PHF21A: variants seen among roughly 807,000 people sequenced by gnomAD.
PHF21A encodes BHC80a.
Under a neutral mutation model 82.5 loss-of-function variants are expected in PHF21A, and 11 were observed. The observed-to-expected ratio is 0.13, with a 90% CI of 0.08 to 0.22. The LOEUF is 0.22. Ranked by LOEUF, PHF21A falls within the 10% of genes least tolerant of loss-of-function variation. The probability of loss-of-function intolerance (pLI) is 1.00; values close to 1 mark genes in which losing one functional copy is unlikely to be tolerated. For missense variants in PHF21A, 579 were observed against 837.8 expected, an observed-to-expected ratio of 0.69 and a Z score of 3.81; for synonymous variants, 297 against 302.8, an observed-to-expected ratio of 0.98 and a Z score of 0.20.
chr11:46,009,439 C>T (rs1028848409), intron 6 of PHF21A, among the ~76,000 whole-genome samples: 1 of 152,150 alleles, frequency 6.6e-6, no homozygotes, highest in Admixed American at 6.5e-5. Flanking sequence ...ATCTGTGAAA[C>T]CCTATTATAC....
At chr11:45,951,024 A>G (rs1024689366) in intron 11 of PHF21A, among the ~76,000 whole-genome samples, 2 of 152,234 alleles carry the variant, frequency 1.3e-5, no homozygotes, top group Non-Finnish European at 2.9e-5. Flanking sequence ...TCCATCAGAA[A>G]CTAAGCTGGT....
chr11:45,941,465 C>T (rs940894857), intron 15 of PHF21A, among the ~76,000 whole-genome samples: 1 of 152,160 alleles, frequency 6.6e-6, no homozygotes, highest in African/African-American at 2.4e-5. Flanking sequence ...GTAAACCCCA[C>T]TGTTCGGTCT....
intron 6 of PHF21A, among the ~76,000 whole-genome samples, chr11:46,012,140 C>A (rs2095426132): frequency 6.6e-6 from 1 of 152,212 alleles, no homozygotes; most frequent in Non-Finnish European, 1.5e-5. Flanking sequence ...AAAGGCTCTG[C>A]CTGAAGTTCA....
At chr11:45,989,346 A>G (rs540530960) in intron 6 of PHF21A, among the ~76,000 whole-genome samples, 7 of 152,108 alleles carry the variant, frequency 4.6e-5, no homozygotes, top group Non-Finnish European at 1.0e-4. Context: ...GAATAAAACA[A>G]ATTTGGTTAA....
chr11:46,099,127 G>A (rs1453102810), intron 1 of PHF21A, among the ~76,000 whole-genome samples: 1 of 152,108 alleles, frequency 6.6e-6, no homozygotes, highest in Non-Finnish European at 1.5e-5. Flanking sequence ...TGAATTGCTA[G>A]AGAAAAATAT....
chr11:45,949,419 C>T lies in PHF21A; in HGVS notation c.1210G>A (p.Ala404Thr). Residue 404 changes from alanine to threonine, a missense_variant, in exon 13 of 19, where the codon GCA becomes ACA. Transcript: ENST00000676320. ...RTTANPVYSG[A>T]VFEPERKKSA... ...AGTAATACCTCTGGCTCAAAGACTG[C>T]TCCACTGTAGACCGGATTTGCTGTT... The T allele has an allele frequency of 6.2e-7, 1 of 1,614,130 alleles. No individual in the cohort carries two copies. The highest frequency in any genetic ancestry group is 1.1e-5 in the South Asian group (1 of 91,088).
chr11:46,079,310 T>C, intron 4 of PHF21A, 144 bp from the exon 5 acceptor site: 1 of 536,456 alleles, frequency 1.9e-6, no homozygotes, highest in East Asian at 2.9e-5. Context: ...AAACCTTCTG[T>C]GATCCATGTA....
chr11:46,019,896 T>C (rs2095596690), intron 6 of PHF21A, among the ~76,000 whole-genome samples: 2 of 152,172 alleles, frequency 1.3e-5, no homozygotes, highest in South Asian at 4.1e-4. Context: ...GCCCATATGC[T>C]TAACTTTCAG....
intron 7 of PHF21A, among the ~76,000 whole-genome samples, chr11:45,978,845 G>C (rs1472012948): frequency 3.9e-5 from 6 of 151,918 alleles, no homozygotes; most frequent in Admixed American, 6.6e-5. Context: ...GCCCTTTTTG[G>C]TAAAAACATT....
chr11:45,973,972 T>A (rs1209517240), intron 7 of PHF21A, among the ~76,000 whole-genome samples: 1 of 152,252 alleles, frequency 6.6e-6, no homozygotes, highest in East Asian at 1.9e-4. Flanking sequence ...AAATACTGAC[T>A]AAAGCCTCAA....
At chr11:46,083,236 C>T (rs1277688234) in intron 4 of PHF21A, among the ~76,000 whole-genome samples, 4 of 151,958 alleles carry the variant, frequency 2.6e-5, no homozygotes, top group Non-Finnish European at 5.9e-5. Flanking sequence ...GCCAACTCTG[C>T]AGCGGAACAA....
chr11:46,015,783 G>A (rs1207734292), intron 6 of PHF21A, among the ~76,000 whole-genome samples: 4 of 151,998 alleles, frequency 2.6e-5, no homozygotes, highest in Non-Finnish European at 5.9e-5. Flanking sequence ...TATCCCACTG[G>A]AAGGTCTTCA....
chr11:46,097,372 C>T (rs1056385359), intron 1 of PHF21A, among the ~76,000 whole-genome samples: 3 of 152,198 alleles, frequency 2.0e-5, no homozygotes, highest in Non-Finnish European at 2.9e-5. Flanking sequence ...TCGCTCAATC[C>T]TTTCCAGCAA....
chr11:46,091,653 T>C (rs2135463474), intron 2 of PHF21A, among the ~76,000 whole-genome samples: 2 of 152,382 alleles, frequency 1.3e-5, no homozygotes, highest in Admixed American at 1.3e-4. Context: ...TAAGCCACTC[T>C]GCACATATAC....
At chr11:45,996,310 T>C (rs893576660) in intron 6 of PHF21A, among the ~76,000 whole-genome samples, 5 of 152,222 alleles carry the variant, frequency 3.3e-5, no homozygotes. Flanking sequence ...GCTTACAGGT[T>C]GACACATTAT....
At chr11:46,087,809 G>T (rs910465332) in intron 3 of PHF21A, among the ~76,000 whole-genome samples, 28 of 152,184 alleles carry the variant, frequency 1.8e-4, no homozygotes, top group African/African-American at 6.5e-4. Flanking sequence ...AGGCTAAAGT[G>T]CAGTGGTGCG....
At chr11:46,038,818 C>T (rs1026918911) in intron 6 of PHF21A, among the ~76,000 whole-genome samples, 2 of 152,112 alleles carry the variant, frequency 1.3e-5, no homozygotes, top group African/African-American at 2.4e-5. Flanking sequence ...TTGATTAATC[C>T]GTTCCTGAGG....
intron 6 of PHF21A, among the ~76,000 whole-genome samples, chr11:46,014,297 G>A (rs927766493): frequency 3.9e-5 from 6 of 152,244 alleles, no homozygotes; most frequent in Non-Finnish European, 4.4e-5. Context: ...AATTCCCTTA[G>A]GATAATGGCC....
intron 7 of PHF21A, among the ~76,000 whole-genome samples, chr11:45,977,949 C>T (rs1256466090): frequency 6.6e-6 from 1 of 151,892 alleles, no homozygotes; most frequent in Non-Finnish European, 1.5e-5. Flanking sequence ...ACATACCACC[C>T]TCCATGATCT....
Sources: gnomAD v4.1 joint callset for allele counts (sites outside exome capture counted in the v4.1 genomes callset) on GRCh38, gnomAD v4.1.1 for gene constraint, MANE v1.5 for transcripts, NCBI Gene and HGNC (gene_info 2026-07-23, HGNC 2026-07-21) for gene names.